Variants in RPTOR observed in about 807,000 individuals in gnomAD.
The protein encoded by RPTOR is regulatory associated protein of MTOR complex 1.
A neutral mutation model predicts 169.9 loss-of-function variants in RPTOR; 21 were observed. The observed-to-expected ratio is 0.12, with a 90% CI of 0.09 to 0.18. RPTOR has a LOEUF of 0.18. Ranked by LOEUF, RPTOR falls within the 10% of genes least tolerant of loss-of-function variation. The pLI is 1.00. For missense variants in RPTOR, 1,133 were observed against 1,855.9 expected (o/e 0.61, Z 7.16); for synonymous variants, 732 against 753.2 (o/e 0.97, Z 0.46).
At chr17:80,618,274 AC>A (rs1275579196) in intron 1 of RPTOR, among the ~76,000 whole-genome samples, 1 of 152,246 alleles carries the variant, frequency 6.6e-6, no homozygotes, top group Non-Finnish European at 1.5e-5. Flanking sequence ...GGCGTGAGCC[AC>A]CATGCCTGGC....
intron 1 of RPTOR, among the ~76,000 whole-genome samples, chr17:80,600,228 A>T (rs925628616): frequency 1.3e-5 from 2 of 152,198 alleles, no homozygotes; most frequent in African/African-American, 4.8e-5. Flanking sequence ...TTGTCTCTTT[A>T]TGGGTGTGGC....
chr17:80,644,099 T>C (rs1344325950), intron 3 of RPTOR, among the ~76,000 whole-genome samples: 1 of 152,276 alleles, frequency 6.6e-6, no homozygotes, highest in Non-Finnish European at 1.5e-5. Flanking sequence ...TTTTCGCTCT[T>C]AACCATGGTT....
intron 28 of RPTOR, among the ~76,000 whole-genome samples, chr17:80,954,865 C>A (rs532747670): frequency 2.6e-5 from 4 of 152,020 alleles, no homozygotes; most frequent in African/African-American, 9.6e-5. Flanking sequence ...TGCAGTGAGC[C>A]AAGATCACAC....
At chr17:80,572,872 T>A (rs2064922425) in intron 1 of RPTOR, among the ~76,000 whole-genome samples, 1 of 152,232 alleles carries the variant, frequency 6.6e-6, no homozygotes, top group Non-Finnish European at 1.5e-5. Context: ...TTTTTTTGCA[T>A]CTTATTTAGG....
intron 3 of RPTOR, among the ~76,000 whole-genome samples, chr17:80,689,190 C>T (rs376207137): frequency 6.1e-4 from 93 of 152,340 alleles, no homozygotes; most frequent in African/African-American, 2.0e-3. Context: ...ATCCTTTCAT[C>T]TCCCCAGACA....
chr17:80,594,372 G>T (rs563724808), intron 1 of RPTOR, among the ~76,000 whole-genome samples: 1 of 152,306 alleles, frequency 6.6e-6, no homozygotes, highest in Non-Finnish European at 1.5e-5. Context: ...GATTACAGGC[G>T]TGAGCCACCA....
At chr17:80,849,134 C>T (rs2067765249) in intron 11 of RPTOR, among the ~76,000 whole-genome samples, 1 of 152,348 alleles carries the variant, frequency 6.6e-6, no homozygotes, top group Non-Finnish European at 1.5e-5. Context: ...GTTAACTCGG[C>T]TCACTTCCCC....
intron 3 of RPTOR, among the ~76,000 whole-genome samples, chr17:80,679,577 T>C (rs2065883466): frequency 6.6e-6 from 1 of 152,238 alleles, no homozygotes; most frequent in Non-Finnish European, 1.5e-5. Flanking sequence ...TTCTCTTAGC[T>C]TATTTTTTGA....
At chr17:80,893,363 GGT>G (rs928728016) in intron 19 of RPTOR, among the ~76,000 whole-genome samples, 2 of 146,864 alleles carry the variant, frequency 1.4e-5, no homozygotes, top group African/African-American at 5.1e-5. Context: ...GTGTGTGCTG[GGT>G]GTGTGTGCAC....
chr17:80,591,618 A>G (rs568620990), intron 1 of RPTOR, among the ~76,000 whole-genome samples: 2 of 152,002 alleles, frequency 1.3e-5, no homozygotes, highest in South Asian at 2.1e-4. Flanking sequence ...AGCTCAGGCA[A>G]TCCACCTGCC....
intron 16 of RPTOR, 109 bp downstream of exon 16, chr17:80,884,081 A>G (rs2068215088): frequency 4.6e-6 from 5 of 1,086,706 alleles, no homozygotes; most frequent in Middle Eastern, 5.0e-4. Context: ...CAGGAACTTC[A>G]GGGGCTGCAC....
chr17:80,876,172 G>C (rs71368095), intron 13 of RPTOR, among the ~76,000 whole-genome samples: 71 of 63,430 alleles, frequency 1.1e-3, no homozygotes, highest in East Asian at 1.7e-3. Flanking sequence ...CCCGTGCCAC[G>C]CAGGGTGTGT....
chr17:80,570,407 C>T (rs190006018), intron 1 of RPTOR, among the ~76,000 whole-genome samples: 4 of 152,142 alleles, frequency 2.6e-5, no homozygotes, highest in East Asian at 3.9e-4. Context: ...TGATGCGTGA[C>T]GGGATCACCT....
At chr17:80,928,706 G>A (rs941898347) in intron 24 of RPTOR, among the ~76,000 whole-genome samples, 12 of 152,192 alleles carry the variant, frequency 7.9e-5, no homozygotes, top group Admixed American at 6.5e-4. Flanking sequence ...TACGGAGCTC[G>A]TGTCTACATT....
intron 3 of RPTOR, among the ~76,000 whole-genome samples, chr17:80,685,099 C>G (rs1046408577): frequency 9.1e-6 from 1 of 109,832 alleles, no homozygotes; most frequent in African/African-American, 5.8e-5. Context: ...GGATTGTATA[C>G]CCTTTTCCAT....
chr17:80,659,814 T>C lies in RPTOR; in HGVS notation c.348+16004T>C, dbSNP rs1431140575. ...ACTGCGCCCGGACCATCTGGCTAAT[T>C]TAAAAAATTTTTTTGTAGAGATAAG... On this transcript the variant is annotated intron_variant, in intron 3 of 33. Coordinates refer to ENST00000306801, the MANE Select transcript of RPTOR (RefSeq NM_020761.3). This position sits in a 1 kb window ranked among gnomAD's most constrained non-coding sequence, Gnocchi z 4.3. Among the ~76,000 whole-genome samples, 7 of 152,158 alleles carry C rather than the reference T, an allele frequency of 4.6e-5. No individual in the cohort carries two copies. Among genetic ancestry groups the C allele is most frequent in the Admixed American group, 4.6e-4 (7 of 15,278 alleles).
intron 7 of RPTOR, among the ~76,000 whole-genome samples, chr17:80,793,503 G>A (rs547438167): frequency 1.3e-5 from 2 of 152,100 alleles, no homozygotes; most frequent in African/African-American, 2.4e-5. Context: ...TGGGAGGGCC[G>A]CAGTATCCTT....
chr17:80,745,318 G>A (rs765160600), intron 5 of RPTOR, among the ~76,000 whole-genome samples: 34 of 152,244 alleles, frequency 2.2e-4, no homozygotes, highest in Non-Finnish European at 3.7e-4. Flanking sequence ...GTGACAAACC[G>A]TTGTTATGAA....
chr17:80,795,503 T>C (rs1341749509), intron 7 of RPTOR, among the ~76,000 whole-genome samples: 1 of 151,912 alleles, frequency 6.6e-6, no homozygotes, highest in Non-Finnish European at 1.5e-5. Flanking sequence ...TCGTCTTTCT[T>C]CCATCTCCCC....
Sources: gnomAD v4.1 joint callset for allele counts (sites outside exome capture counted in the v4.1 genomes callset) on GRCh38, gnomAD v4.1.1 for gene constraint, Gnocchi (gnomAD v3.1) non-coding constraint, MANE v1.5 for transcripts, NCBI Gene and HGNC (gene_info 2026-07-23, HGNC 2026-07-21) for gene names.